KCNH1: variants seen among roughly 807,000 people sequenced by gnomAD.
KCNH1 encodes potassium voltage-gated channel subfamily H member 1, also known as voltage-gated delayed rectifier potassium channel KCNH1.
KCNH1 carries 27 observed loss-of-function variants against 69.2 expected under a neutral mutation model. The ratio of observed to expected loss-of-function variants is 0.39; its 90% confidence interval spans 0.29 to 0.54. The LOEUF (loss-of-function observed/expected upper bound fraction) is 0.54. KCNH1 is among the 20% of genes least tolerant of loss of function. The pLI, the probability that KCNH1 is intolerant of heterozygous loss-of-function variation, is 0.68. For synonymous variants in KCNH1, 456 were observed against 487.7 expected (o/e 0.93, Z 0.86); for missense variants, 798 against 1,261.6 (o/e 0.63, Z 5.57).
chr1:211,004,743 G>A (rs1471267277), intron 6 of KCNH1, among the ~76,000 whole-genome samples: 4 of 152,034 alleles, frequency 2.6e-5, no homozygotes, highest in Non-Finnish European at 5.9e-5. Flanking sequence ...CTTCTTAGAA[G>A]AGATATATCT....
At chr1:210,823,473 G>A (rs1684970628) in intron 7 of KCNH1, among the ~76,000 whole-genome samples, 1 of 152,124 alleles carries the variant, frequency 6.6e-6, no homozygotes, top group Non-Finnish European at 1.5e-5. Flanking sequence ...AGTACAATGT[G>A]CTCTCTCCCT....
chr1:210,872,192 A>C (rs1045160520), intron 7 of KCNH1, among the ~76,000 whole-genome samples: 1 of 151,302 alleles, frequency 6.6e-6, no homozygotes, highest in Non-Finnish European at 1.5e-5. Context: ...AATCGATGTT[A>C]AGTACTTTAT....
At chr1:211,056,131 A>G (rs1305109093) in intron 5 of KCNH1, among the ~76,000 whole-genome samples, 1 of 152,206 alleles carries the variant, frequency 6.6e-6, no homozygotes, top group Non-Finnish European at 1.5e-5. Flanking sequence ...TCCCCGATTC[A>G]TGGCTTTGGC....
Position 210,763,516 on chromosome 1 carries a change from C to T in KCNH1, c.2112+11832G>A, listed in dbSNP as rs73069530. The stretch of plus-strand genomic sequence containing the variant: ...CTAAATTTGATGACTTCAGGAAAGT[C>T]TCAGGATACAAAATCAACATACAAA... On this transcript the variant is annotated intron_variant, in intron 10 of 10. Transcript: ENST00000271751. Among the ~76,000 whole-genome samples, 1,344 of 152,138 alleles carry T rather than the reference C, an allele frequency of 8.8e-3. 19 individuals are homozygous for T. The highest frequency in any genetic ancestry group is 0.031 in the African/African-American group (1,274 of 41,530).
intron 6 of KCNH1, among the ~76,000 whole-genome samples, chr1:210,991,456 G>A (rs958105006): frequency 6.6e-6 from 1 of 152,096 alleles, no homozygotes; most frequent in Non-Finnish European, 1.5e-5. Context: ...AGGCTGAGGA[G>A]GCAGGGGGAG....
At chr1:211,024,151 G>A (rs1037656685) in intron 5 of KCNH1, among the ~76,000 whole-genome samples, 18 of 152,150 alleles carry the variant, frequency 1.2e-4, no homozygotes, top group African/African-American at 4.1e-4. Flanking sequence ...AGCATTGAAG[G>A]AAACAGCATA....
intron 5 of KCNH1, 122 bp from the exon 6 acceptor site, chr1:211,019,378 A>G: frequency 1.6e-6 from 1 of 629,598 alleles, no homozygotes; most frequent in Non-Finnish European, 2.8e-6. Flanking sequence ...AGGTACAATA[A>G]CAGGTATGAA....
intron 6 of KCNH1, among the ~76,000 whole-genome samples, chr1:210,961,505 T>G (rs1688292316): frequency 6.6e-6 from 1 of 152,178 alleles, no homozygotes; most frequent in African/African-American, 2.4e-5. Flanking sequence ...TGATTCCACT[T>G]ATTATGCTCA....
At chr1:211,042,094 G>T (rs775073368) in intron 5 of KCNH1, among the ~76,000 whole-genome samples, 6 of 152,144 alleles carry the variant, frequency 3.9e-5, no homozygotes, top group Non-Finnish European at 8.8e-5. Flanking sequence ...CTCTTGCTCT[G>T]TGGGAGCTCA....
At chr1:211,045,052 A>ATATATATATATATATATATATATATATC in intron 5 of KCNH1, among the ~76,000 whole-genome samples, 1 of 130,996 alleles carries the variant, frequency 7.6e-6, no homozygotes, top group Admixed American at 7.6e-5. Flanking sequence ...ATATATATAT[A>ATATATATATATATATATATATATATATC]TATATATGAA....
chr1:210,862,099 T>C (rs1194622361), intron 7 of KCNH1: 2 of 1,001,046 alleles, frequency 2.0e-6, no homozygotes, highest in East Asian at 4.8e-5. Context: ...CTGTGTTATA[T>C]TTTTCAAATA....
intron 10 of KCNH1, among the ~76,000 whole-genome samples, chr1:210,739,517 C>A (rs1252722342): frequency 2.0e-5 from 3 of 152,206 alleles, no homozygotes; most frequent in Non-Finnish European, 4.4e-5. Context: ...AGAGATGAAG[C>A]TAACTTGGCA....
chr1:211,020,632 C>T (rs1466672446), intron 5 of KCNH1, among the ~76,000 whole-genome samples: 1 of 152,114 alleles, frequency 6.6e-6, no homozygotes, highest in Non-Finnish European at 1.5e-5. Flanking sequence ...TTCTTCCAAA[C>T]TCAATCTATG....
At chr1:210,970,718 C>A (rs912844210) in intron 6 of KCNH1, among the ~76,000 whole-genome samples, 2 of 152,080 alleles carry the variant, frequency 1.3e-5, no homozygotes, top group Non-Finnish European at 2.9e-5. Flanking sequence ...CCATTCAGGA[C>A]GTAAGGGTGG....
At chr1:210,962,350 C>T (rs1240958050) in intron 6 of KCNH1, among the ~76,000 whole-genome samples, 1 of 152,066 alleles carries the variant, frequency 6.6e-6, no homozygotes, top group African/African-American at 2.4e-5. Context: ...TTCATTGCTT[C>T]AGGAGGATGG....
intron 4 of KCNH1, among the ~76,000 whole-genome samples, chr1:211,087,854 G>A (rs756511229): frequency 4.1e-4 from 63 of 152,252 alleles, no homozygotes; most frequent in Admixed American, 1.9e-3. Context: ...AAATGACAGA[G>A]GGGGCTCTGG....
At chr1:210,834,347 A>G (rs1685234241) in intron 7 of KCNH1, among the ~76,000 whole-genome samples, 1 of 45,442 alleles carries the variant, frequency 2.2e-5, no homozygotes. Flanking sequence ...ATGGAATACT[A>G]TGCAGCCATA....
At chr1:210,856,030 C>T (rs1185209211) in intron 7 of KCNH1, among the ~76,000 whole-genome samples, 3 of 152,158 alleles carry the variant, frequency 2.0e-5, no homozygotes, top group Non-Finnish European at 4.4e-5. Context: ...GTATATGTTA[C>T]TTTGTCTCTA....
At chr1:210,713,019 G>C (rs1682116507) in intron 10 of KCNH1, among the ~76,000 whole-genome samples, 1 of 152,144 alleles carries the variant, frequency 6.6e-6, no homozygotes, top group African/African-American at 2.4e-5. Flanking sequence ...TCTCCATCAG[G>C]AGGGGTGCTA....
Sources: allele counts gnomAD v4.1 joint callset (sites outside exome capture counted in the v4.1 genomes callset), GRCh38; gene constraint gnomAD v4.1.1; transcripts MANE v1.5; gene names NCBI Gene and HGNC (gene_info 2026-07-23, HGNC 2026-07-21).